Variants in ZDHHC2 observed in about 807,000 individuals in gnomAD.
ZDHHC2 encodes palmitoyltransferase ZDHHC2.
A neutral mutation model predicts 55.6 loss-of-function variants in ZDHHC2; 51 were observed. That is an observed-to-expected ratio of 0.92 (90% CI 0.73 to 1.16). The LOEUF (loss-of-function observed/expected upper bound fraction) is 1.16. ZDHHC2 is among the 50% of genes most tolerant of loss of function. The pLI is 0.00. For missense variants in ZDHHC2, 491 were observed against 442.4 expected (o/e 1.11, Z -0.99); for synonymous variants, 199 against 152.9 (o/e 1.30, Z -2.22).
At chr8:17,175,423 A>G (rs1484292307) in intron 1 of ZDHHC2, among the ~76,000 whole-genome samples, 3 of 152,206 alleles carry the variant, frequency 2.0e-5, no homozygotes, top group Admixed American at 6.5e-5. Context: ...TTGGCATTTC[A>G]CGCTGCAGAA....
rs1253197557 is a variant in ZDHHC2, at chr8:17,217,213, C to G, written c.*1C>G. On this transcript the variant is annotated 3_prime_UTR_variant, in exon 12 of 13. Coordinates refer to ENST00000262096, the MANE Select transcript of ZDHHC2 (RefSeq NM_016353.5). Reference sequence around the variant, plus strand: ...ATTAACCATGGAAAATGAGACTTAACTCTTCAAGCAAGATAAATTCATACT... The same window carrying G: ...ATTAACCATGGAAAATGAGACTTAAGTCTTCAAGCAAGATAAATTCATACT... 3 of 1,610,294 alleles carry G rather than the reference C, an allele frequency of 1.9e-6. No homozygotes were observed. The highest frequency in any genetic ancestry group is 2.5e-6 in the Non-Finnish European group (3 of 1,177,972).
intron 8 of ZDHHC2, among the ~76,000 whole-genome samples, chr8:17,208,294 GTA>G (rs754684284): frequency 1.0e-4 from 15 of 148,584 alleles, no homozygotes; most frequent in African/African-American, 3.2e-4. Flanking sequence ...TCATATATAT[GTA>G]TATATATATG....
In ZDHHC2 at chr8:17,224,763, A is replaced by T. The variant is rs144079684; in HGVS notation, c.*4542A>T. 12 of 151,888 alleles carry T rather than the reference A, an allele frequency of 7.9e-5. No homozygotes were observed. The East Asian group carries it at 2.3e-3, about 29-fold the overall frequency. 9.4% of individuals were successfully genotyped at this position (151,888 alleles called of 1,614,324 possible). A position where few individuals can be genotyped will look rare whatever the true frequency, so the allele number is the denominator to read the frequency against. On this transcript the variant is annotated 3_prime_UTR_variant, in exon 13 of 13. Transcript: ENST00000262096. ...TTTCTGTCAGTATGTATGGCTCCCTAATTGAAAACATCTTAAATGAACTAA... is the reference window on the plus strand; with the variant it reads ...TTTCTGTCAGTATGTATGGCTCCCTTATTGAAAACATCTTAAATGAACTAA...
intron 12 of ZDHHC2, among the ~76,000 whole-genome samples, chr8:17,219,734 C>T (rs976130179): frequency 2.0e-5 from 3 of 152,066 alleles, no homozygotes; most frequent in African/African-American, 4.8e-5. Flanking sequence ...AGATGGAGAT[C>T]GCATCACTGC....
At chr8:17,219,772 C>T (rs1192202311) in intron 12 of ZDHHC2, among the ~76,000 whole-genome samples, 1 of 151,904 alleles carries the variant, frequency 6.6e-6, no homozygotes, top group Non-Finnish European at 1.5e-5. Context: ...AGAGTGAGGC[C>T]CTGTCTCAAA....
intron 6 of ZDHHC2, among the ~76,000 whole-genome samples, chr8:17,203,063 C>CTTT (rs10673416): frequency 0.71 from 90,457 of 126,724 alleles, 34,953 homozygotes; most frequent in Non-Finnish European, 0.86. Context: ...TGTCCAAAGT[C>CTTT]TTTTTTTTTT....
At chr8:17,186,294 G>T in intron 2 of ZDHHC2, 37 bp from the exon 3 acceptor site, 5 of 1,354,952 alleles carry the variant, frequency 3.7e-6, no homozygotes, top group Non-Finnish European at 5.1e-6. Context: ...GTATGTATTT[G>T]CATATTATAA....
At chr8:17,164,894 G>A (rs1357627233) in intron 1 of ZDHHC2, among the ~76,000 whole-genome samples, 1 of 152,212 alleles carries the variant, frequency 6.6e-6, no homozygotes. Context: ...GTGACATGGA[G>A]TAAGGGTGAG....
intron 12 of ZDHHC2, among the ~76,000 whole-genome samples, chr8:17,219,076 C>A (rs1315871777): frequency 2.0e-5 from 3 of 151,482 alleles, no homozygotes; most frequent in African/African-American, 7.3e-5. Flanking sequence ...AAGGTGAAAC[C>A]CCATCTCTAC....
chr8:17,183,449 C>G (rs1805538762), intron 1 of ZDHHC2, among the ~76,000 whole-genome samples: 1 of 152,224 alleles, frequency 6.6e-6, no homozygotes, highest in African/African-American at 2.4e-5. Context: ...TCTGACTAGC[C>G]TCTGACTTAC....
At chr8:17,164,577 C>G (rs1804512195) in intron 1 of ZDHHC2, among the ~76,000 whole-genome samples, 1 of 150,958 alleles carries the variant, frequency 6.6e-6, no homozygotes, top group South Asian at 2.1e-4. Context: ...AGTTCATCAG[C>G]AAAATATACA....
chr8:17,156,955 C>A, intron 1 of ZDHHC2, 102 bp downstream of exon 1: 2 of 1,155,914 alleles, frequency 1.7e-6, no homozygotes, highest in Non-Finnish European at 2.3e-6. Flanking sequence ...CGGATGCGCC[C>A]CGGGCGCTGC....
chr8:17,191,524 G>A (rs2150916277), intron 3 of ZDHHC2, among the ~76,000 whole-genome samples: 1 of 152,280 alleles, frequency 6.6e-6, no homozygotes, highest in Admixed American at 6.5e-5. Context: ...GAGTTTAGTT[G>A]TTTTAATTTT....
intron 1 of ZDHHC2, among the ~76,000 whole-genome samples, chr8:17,162,255 G>A (rs1023502723): frequency 2.0e-5 from 3 of 152,184 alleles, no homozygotes; most frequent in Non-Finnish European, 4.4e-5. Flanking sequence ...GTCTTAGCAT[G>A]TACAAATGCG....
At chr8:17,191,516 G>A (rs972616404) in intron 3 of ZDHHC2, among the ~76,000 whole-genome samples, 1 of 152,140 alleles carries the variant, frequency 6.6e-6, no homozygotes, top group Admixed American at 6.5e-5. Context: ...ATCTCTATGA[G>A]TTTAGTTGTT....
rs1293816586 is a variant in ZDHHC2 at position 17,224,326 on chromosome 8, G to C, written c.*4105G>C. 1 of 151,650 alleles carries C rather than the reference G, an allele frequency of 6.6e-6. No homozygotes were observed. Among genetic ancestry groups the C allele is most frequent in the Non-Finnish European group, 1.5e-5 (1 of 67,706 alleles). 9.4% of individuals were successfully genotyped at this position (151,650 alleles called of 1,614,324 possible). On this transcript the variant is annotated 3_prime_UTR_variant, in exon 13 of 13. Coordinates refer to ENST00000262096, the MANE Select transcript of ZDHHC2 (RefSeq NM_016353.5). ...AGTATTTCTGTATTGTTTACAATTG[G>C]GGGAAAATGTCTGTTAAGGCTAATC...
intron 1 of ZDHHC2, among the ~76,000 whole-genome samples, chr8:17,162,403 A>G (rs922304785): frequency 1.5e-4 from 23 of 152,296 alleles, no homozygotes; most frequent in Non-Finnish European, 2.6e-4. Flanking sequence ...TTCGCTTGCA[A>G]TTGCTTACTG....
chr8:17,176,067 T>C (rs951467557), intron 1 of ZDHHC2, among the ~76,000 whole-genome samples: 2 of 152,188 alleles, frequency 1.3e-5, no homozygotes, highest in Non-Finnish European at 2.9e-5. Flanking sequence ...GATTGGACTT[T>C]ATTTTACTGT....
chr8:17,176,746 A>C (rs745643026), intron 1 of ZDHHC2, among the ~76,000 whole-genome samples: 5 of 152,090 alleles, frequency 3.3e-5, no homozygotes, highest in Non-Finnish European at 7.4e-5. Flanking sequence ...AAGACGTGTG[A>C]GGTGAGTTTG....
Sources: gnomAD v4.1 joint callset for allele counts (sites outside exome capture counted in the v4.1 genomes callset) on GRCh38, gnomAD v4.1.1 for gene constraint, MANE v1.5 for transcripts, NCBI Gene and HGNC (gene_info 2026-07-23, HGNC 2026-07-21) for gene names.